The following TMEM154 variants were observed in gnomAD, a reference collection of about 807,000 sequenced individuals.
The protein encoded by TMEM154 is transmembrane protein 154.
Under a neutral mutation model 24.5 loss-of-function variants are expected in TMEM154, and 27 were observed. That is an observed-to-expected ratio of 1.10 (90% CI 0.81 to 1.52). The LOEUF is 1.52. Among genes scored for constraint, TMEM154 ranks in the 40% most tolerant of loss-of-function variants. The probability of loss-of-function intolerance (pLI) is 0.00; values close to 1 mark genes in which losing one functional copy is unlikely to be tolerated. For synonymous variants in TMEM154, 67 were observed against 76.8 expected (o/e 0.87, Z 0.67); for missense variants, 228 against 213.4 (o/e 1.07, Z -0.43).
At chr4:152,633,922 G>A (rs147616806) in intron 6 of TMEM154, among the ~76,000 whole-genome samples, 2 of 151,480 alleles carry the variant, frequency 1.3e-5, no homozygotes, top group African/African-American at 4.8e-5. Context: ...CTTATGTTTG[G>A]GTGGCTGAGG....
At chr4:152,658,138 G>A (rs1728525998) in intron 1 of TMEM154, among the ~76,000 whole-genome samples, 2 of 152,098 alleles carry the variant, frequency 1.3e-5, no homozygotes, top group African/African-American at 4.8e-5. Context: ...GAAGAACTTT[G>A]GAGACTGTAC....
intron 1 of TMEM154, among the ~76,000 whole-genome samples, chr4:152,663,267 T>G (rs763725224): frequency 1.3e-4 from 20 of 152,212 alleles, no homozygotes; most frequent in Non-Finnish European, 2.9e-4. Flanking sequence ...TGGTATAACT[T>G]CCTCATTTTA....
chr4:152,644,450 GA>G lies in TMEM154; in HGVS notation c.365-9del. ...TTTCACTTCCCAGTTCATCTAAAAG[GA>G]AATGAACATAAAGGTCATGTTAGCT... On this transcript the variant is annotated splice_polypyrimidine_tract_variant and intron_variant, in intron 3 of 6. Coordinates refer to ENST00000304385, the MANE Select transcript of TMEM154 (RefSeq NM_152680.3). 6.2e-7 allele frequency: 1 copy of G among 1,614,006 alleles called. No homozygotes were observed. The highest frequency in any genetic ancestry group is 1.1e-5 in the South Asian group (1 of 91,082).
intron 1 of TMEM154, among the ~76,000 whole-genome samples, chr4:152,655,418 A>G (rs1250579550): frequency 6.6e-6 from 1 of 152,206 alleles, no homozygotes; most frequent in African/African-American, 2.4e-5. Flanking sequence ...TGCTCCAGAG[A>G]GGGACCTTAT....
In TMEM154 at chr4:152,679,984, C is replaced by T; in HGVS notation, c.-51G>A. 2 of 1,541,290 alleles carry T rather than the reference C, an allele frequency of 1.3e-6. No homozygotes were observed. Among genetic ancestry groups the T allele is most frequent in the Admixed American group, 1.9e-5 (1 of 53,280 alleles). On this transcript the variant is annotated 5_prime_UTR_variant, in exon 1 of 7. Transcript: ENST00000304385. ...CTCAGGATGCTGCGCCGGGCTGCAGCCTCTCTGAAACGTGAACATTTCCTG... is the reference window on the plus strand; with the variant it reads ...CTCAGGATGCTGCGCCGGGCTGCAGTCTCTCTGAAACGTGAACATTTCCTG...
rs1207537164 is a variant in TMEM154 at position 152,624,270 on chromosome 4, A to G, written c.*4276T>C. On this transcript the variant is annotated 3_prime_UTR_variant, in exon 7 of 7. Transcript: ENST00000304385. The stretch of plus-strand genomic sequence containing the variant: ...GAACATGATATGTTATTTAGAAAAG[A>G]TAGTAGGGCAAAAAAACAAAACACA... 6.6e-6 allele frequency: 1 copy of G among 152,184 alleles called. No individual in the cohort carries two copies. Among genetic ancestry groups the G allele is most frequent in the Non-Finnish European group, 1.5e-5 (1 of 68,046 alleles). 9.4% of individuals were successfully genotyped at this position (152,184 alleles called of 1,614,324 possible).
intron 1 of TMEM154, chr4:152,666,596 G>A (rs188632764): frequency 1.3e-5 from 2 of 152,288 alleles, no homozygotes; most frequent in East Asian, 1.9e-4. Context: ...ACAGGTATGA[G>A]CCACCAAGTC....
chr4:152,671,603 C>T (rs907387230), intron 1 of TMEM154, among the ~76,000 whole-genome samples: 4 of 150,276 alleles, frequency 2.7e-5, no homozygotes, highest in African/African-American at 7.4e-5. Context: ...AAAAATTAGC[C>T]GGGCGTAGTG....
intron 3 of TMEM154, among the ~76,000 whole-genome samples, chr4:152,645,623 G>C (rs1300258909): frequency 6.6e-6 from 1 of 152,196 alleles, no homozygotes; most frequent in Non-Finnish European, 1.5e-5. Context: ...AATAGTCAGA[G>C]GTTTCTGATC....
At position 152,628,571 on chromosome 4, in the gene TMEM154, AAAAAAAAAAAAAAAAAAAAAAC is replaced by A. The variant is rs750855856; in HGVS notation, c.537-32_537-11del. Reference sequence around the variant, plus strand: ...TTAGGATTCACTGTCACTGTAAAAAAAAAAAAAAAAAAAAAAAAAAACAAAAAAAACACACACACACACACAA... The same window carrying A: ...TTAGGATTCACTGTCACTGTAAAAAAAAAAAAAACACACACACACACACAA... On this transcript the variant is annotated splice_polypyrimidine_tract_variant and intron_variant, in intron 6 of 6. Coordinates refer to ENST00000304385, the MANE Select transcript of TMEM154 (RefSeq NM_152680.3). The A allele has an allele frequency of 3.7e-5, 43 of 1,150,482 alleles. No homozygotes were observed. Among genetic ancestry groups the A allele is most frequent in the Admixed American group, 7.0e-5 (2 of 28,474 alleles). 71.3% of individuals were successfully genotyped at this position (1,150,482 alleles called of 1,614,324 possible). A position where few individuals can be genotyped will look rare whatever the true frequency, so the allele number is the denominator to read the frequency against.
In TMEM154 at chr4:152,624,554, T is replaced by C. The variant is rs559334117; in HGVS notation, c.*3992A>G. 2 of 151,884 alleles carry C rather than the reference T, an allele frequency of 1.3e-5. No individual in the cohort carries two copies. The highest frequency in any genetic ancestry group is 1.3e-4 in the Admixed American group (2 of 15,264). 9.4% of individuals were successfully genotyped at this position (151,884 alleles called of 1,614,324 possible). On this transcript the variant is annotated 3_prime_UTR_variant, in exon 7 of 7. Coordinates refer to ENST00000304385, the MANE Select transcript of TMEM154 (RefSeq NM_152680.3). ...AAGTTGAGGCTGCAGTGAGCCATAATCACACCATTGCACTCCAGCCTGGGC... is the reference window on the plus strand; with the variant it reads ...AAGTTGAGGCTGCAGTGAGCCATAACCACACCATTGCACTCCAGCCTGGGC...
intron 3 of TMEM154, among the ~76,000 whole-genome samples, chr4:152,648,515 C>A (rs1380457214): frequency 1.3e-5 from 2 of 152,046 alleles, no homozygotes; most frequent in Middle Eastern, 3.2e-3. Flanking sequence ...CAAAAACAGA[C>A]CTGGGCCCTG....
At chr4:152,639,233 G>A (rs1752207069) in intron 6 of TMEM154, among the ~76,000 whole-genome samples, 1 of 152,298 alleles carries the variant, frequency 6.6e-6, no homozygotes, top group South Asian at 2.1e-4. Flanking sequence ...TTACAGGCAT[G>A]AGCCACATTG....
At chr4:152,659,650 A>G (rs1393176884) in intron 1 of TMEM154, among the ~76,000 whole-genome samples, 1 of 152,180 alleles carries the variant, frequency 6.6e-6, no homozygotes, top group Non-Finnish European at 1.5e-5. Flanking sequence ...GTAAAATATT[A>G]TGTGTCAATA....
At chr4:152,642,199 G>T (rs557680162) in intron 5 of TMEM154, among the ~76,000 whole-genome samples, 1 of 152,102 alleles carries the variant, frequency 6.6e-6, no homozygotes, top group East Asian at 1.9e-4. Context: ...GATTATAGGC[G>T]TGAGCCACCG....
chr4:152,641,284 G>A, intron 5 of TMEM154: 1 of 331,394 alleles, frequency 3.0e-6, no homozygotes, highest in Non-Finnish European at 5.5e-6. Flanking sequence ...GCTAGAATCT[G>A]CATGTCTCAG....
intron 1 of TMEM154, among the ~76,000 whole-genome samples, chr4:152,671,543 C>T (rs1268444449): frequency 1.3e-5 from 2 of 151,086 alleles, no homozygotes; most frequent in African/African-American, 4.9e-5. Context: ...GTCAGGAGAT[C>T]GAGACCATCC....
At chr4:152,637,598 T>C (rs991678240) in intron 6 of TMEM154, among the ~76,000 whole-genome samples, 1 of 152,176 alleles carries the variant, frequency 6.6e-6, no homozygotes, top group Non-Finnish European at 1.5e-5. Flanking sequence ...TTTCATTCTC[T>C]TATATCATCC....
At position 152,652,927 on chromosome 4, in the gene TMEM154, C is replaced by T. The variant is rs758121285; in HGVS notation, c.65G>A (p.Gly22Asp). The stretch of plus-strand genomic sequence containing the variant: ...TGAGTTTTCTAATTCCTCATAATTA[C>T]CTGTGGGAATAGATACAAAATTGAA... ...LVIALVPVGR[G>D]NYEELENSGD... The change falls in exon 2 of 7, where the codon GGT (glycine) becomes GAT (aspartate). Residue 22 changes from glycine to aspartate, a missense_variant and splice_region_variant. Transcript: ENST00000304385. The T allele has an allele frequency of 2.5e-6, 4 of 1,592,966 alleles. No individual in the cohort carries two copies. Among genetic ancestry groups the T allele is most frequent in the Non-Finnish European group, 3.4e-6 (4 of 1,171,516 alleles).
Sources: allele counts gnomAD v4.1 joint callset (sites outside exome capture counted in the v4.1 genomes callset), GRCh38; gene constraint gnomAD v4.1.1; transcripts MANE v1.5; gene names NCBI Gene and HGNC (gene_info 2026-07-23, HGNC 2026-07-21).